Variants in NPAS2 observed in about 807,000 individuals in gnomAD.
NPAS2 encodes neuronal PAS domain protein 2.
A neutral mutation model predicts 107.5 loss-of-function variants in NPAS2; 23 were observed. That is an observed-to-expected ratio of 0.21 (90% CI 0.15 to 0.30). NPAS2 has a LOEUF of 0.30. Among genes scored for constraint, NPAS2 ranks in the 10% least tolerant of loss-of-function variants. The pLI is 1.00. For missense variants in NPAS2, 756 were observed against 1,043.3 expected (o/e 0.72, Z 3.79); for synonymous variants, 403 against 417.5 (o/e 0.97, Z 0.42).
chr2:100,937,678 G>T (rs1170511057), intron 4 of NPAS2, 75 bp from the exon 5 acceptor site: 7 of 1,010,784 alleles, frequency 6.9e-6, no homozygotes, highest in South Asian at 1.3e-5. Flanking sequence ...TCCTAAAATA[G>T]TGTCCTCTGC....
chr2:100,978,365 T>C (rs937399132), intron 15 of NPAS2, among the ~76,000 whole-genome samples: 5 of 152,318 alleles, frequency 3.3e-5, no homozygotes, highest in African/African-American at 1.2e-4. Flanking sequence ...ACAGTCTCTG[T>C]TCACCTCTTT....
At chr2:100,852,189 G>T (rs1035409393) in intron 1 of NPAS2, among the ~76,000 whole-genome samples, 60 of 152,070 alleles carry the variant, frequency 3.9e-4, no homozygotes, top group African/African-American at 1.4e-3. Context: ...GAGGTCAGGA[G>T]ATCAAGACCA....
chr2:100,826,048 C>T (rs1437871886), intron 1 of NPAS2, among the ~76,000 whole-genome samples: 3 of 152,212 alleles, frequency 2.0e-5, no homozygotes, highest in African/African-American at 7.2e-5. Context: ...AAAAGCATCC[C>T]ATAACTCTCC....
chr2:100,981,584 T>C (rs12614443), intron 15 of NPAS2, among the ~76,000 whole-genome samples: 2,380 of 152,142 alleles, frequency 0.016, 63 homozygotes, highest in South Asian at 0.094. Flanking sequence ...TACCCCGAGG[T>C]CAGTCACACT....
chr2:100,904,804 C>G lies in NPAS2; in HGVS notation c.32+18C>G. ...GCCAAGAGGTAAGATGCAGCTGTCC[C>G]CCTGCTCAGCAGAGCTCTCTGGCCC... On this transcript the variant is annotated intron_variant, in intron 2 of 20. Coordinates refer to ENST00000335681, the MANE Select transcript of NPAS2 (RefSeq NM_002518.4). 6.3e-7 allele frequency: 1 copy of G among 1,591,238 alleles called. No homozygotes were observed. The highest frequency in any genetic ancestry group is 8.6e-7 in the Non-Finnish European group (1 of 1,163,076).
chr2:100,845,324 T>C (rs1356923679), intron 1 of NPAS2, among the ~76,000 whole-genome samples: 1 of 152,206 alleles, frequency 6.6e-6, no homozygotes, highest in African/African-American at 2.4e-5. Flanking sequence ...TGGAGCAGGC[T>C]GGCTCCATGC....
chr2:100,914,793 G>A (rs1315705595), intron 2 of NPAS2, among the ~76,000 whole-genome samples: 5 of 152,168 alleles, frequency 3.3e-5, no homozygotes, highest in African/African-American at 4.8e-5. Context: ...AGCCTACTCC[G>A]TCCTGTCCAT....
intron 1 of NPAS2, chr2:100,878,138 G>C (rs979917424): frequency 3.5e-5 from 34 of 985,286 alleles, no homozygotes; most frequent in Middle Eastern, 5.2e-4. Context: ...CAAGCAGCCT[G>C]TGACAGAAGA....
chr2:100,852,595 C>T (rs1678272031), intron 1 of NPAS2, among the ~76,000 whole-genome samples: 1 of 152,016 alleles, frequency 6.6e-6, no homozygotes, highest in African/African-American at 2.4e-5. Flanking sequence ...ACAAACCTGT[C>T]CTTGTCTAGC....
chr2:100,843,090 A>G (rs551783360), intron 1 of NPAS2, among the ~76,000 whole-genome samples: 18 of 152,082 alleles, frequency 1.2e-4, no homozygotes, highest in East Asian at 5.8e-4. Flanking sequence ...GTGGTGGTGC[A>G]TGCCTGTAGT....
intron 1 of NPAS2, among the ~76,000 whole-genome samples, chr2:100,834,134 C>T (rs1454809676): frequency 6.6e-6 from 1 of 152,190 alleles, no homozygotes; most frequent in Non-Finnish European, 1.5e-5. Flanking sequence ...CCTGGTGGCT[C>T]AGTGCTTCTC....
At chr2:100,944,050 A>G (rs1047637150) in intron 5 of NPAS2, among the ~76,000 whole-genome samples, 30 of 152,184 alleles carry the variant, frequency 2.0e-4, no homozygotes, top group African/African-American at 7.2e-4. Context: ...AGTCAAAGCC[A>G]TTCTCTACAC....
chr2:100,917,700 A>G (rs1400127050), intron 2 of NPAS2, among the ~76,000 whole-genome samples: 2 of 152,160 alleles, frequency 1.3e-5, no homozygotes, highest in African/African-American at 4.8e-5. Context: ...ATAAAATCCA[A>G]CCACTTAGAT....
At chr2:100,853,709 G>A (rs1288679295) in intron 1 of NPAS2, among the ~76,000 whole-genome samples, 2 of 152,094 alleles carry the variant, frequency 1.3e-5, no homozygotes, top group Non-Finnish European at 2.9e-5. Context: ...GAGGTAAGAC[G>A]GTGGACACGT....
intron 1 of NPAS2, among the ~76,000 whole-genome samples, chr2:100,895,139 G>A (rs1681324206): frequency 6.6e-6 from 1 of 152,142 alleles, no homozygotes; most frequent in African/African-American, 2.4e-5. Context: ...TTCAACACTG[G>A]TAGAAGGGAA....
chr2:100,896,234 G>A (rs548000812), intron 1 of NPAS2, among the ~76,000 whole-genome samples: 74 of 152,316 alleles, frequency 4.9e-4, no homozygotes, highest in African/African-American at 1.7e-3. Flanking sequence ...GGGCTCATGA[G>A]GTTTAAGGGG....
intron 1 of NPAS2, among the ~76,000 whole-genome samples, chr2:100,862,045 G>A (rs1342281254): frequency 6.6e-6 from 1 of 152,104 alleles, no homozygotes; most frequent in African/African-American, 2.4e-5. Context: ...AATACATTAT[G>A]TCAAAATTAA....
chr2:100,969,168 C>T (rs1269634231), intron 11 of NPAS2, among the ~76,000 whole-genome samples: 1 of 151,700 alleles, frequency 6.6e-6, no homozygotes, highest in African/African-American at 2.4e-5. Flanking sequence ...GGAAGGACAG[C>T]ATGCCTTTCT....
At chr2:100,970,940 C>T (rs761157285) in intron 11 of NPAS2, 50 bp from the exon 12 acceptor site, 2 of 1,538,610 alleles carry the variant, frequency 1.3e-6, no homozygotes, top group Admixed American at 1.7e-5. Context: ...TGGTGTCATC[C>T]CTTCCTGGAA....
Sources: gnomAD v4.1 joint callset for allele counts (sites outside exome capture counted in the v4.1 genomes callset) on GRCh38, gnomAD v4.1.1 for gene constraint, MANE v1.5 for transcripts, NCBI Gene and HGNC (gene_info 2026-07-23, HGNC 2026-07-21) for gene names.